The following GSE1 variants were observed in gnomAD, a reference collection of about 807,000 sequenced individuals.
GSE1 encodes genetic suppressor element 1.
Under a neutral mutation model 112.6 loss-of-function variants are expected in GSE1, and 32 were observed. That is an observed-to-expected ratio of 0.28 (90% CI 0.21 to 0.38). The LOEUF (loss-of-function observed/expected upper bound fraction) is 0.38, where lower values mean the gene tolerates loss of function less well. Ranked by LOEUF, GSE1 falls within the 10% of genes least tolerant of loss-of-function variation. The pLI, the probability that GSE1 is intolerant of heterozygous loss-of-function variation, is 1.00. For missense variants in GSE1, 2,348 were observed against 1,699.2 expected, an observed-to-expected ratio of 1.38 and a Z score of -6.71; for synonymous variants, 1,115 against 735.6, an observed-to-expected ratio of 1.52 and a Z score of -8.35.
chr16:85,259,766 C>T (rs1907474780), intron 1 of GSE1, among the ~76,000 whole-genome samples: 1 of 152,256 alleles, frequency 6.6e-6, no homozygotes, highest in Admixed American at 6.5e-5. Context: ...CTGCACTGTA[C>T]TGGGACCCCC....
intron 1 of GSE1, among the ~76,000 whole-genome samples, chr16:85,579,756 A>G (rs922099918): frequency 2.0e-5 from 3 of 152,176 alleles, no homozygotes; most frequent in Admixed American, 1.3e-4. Context: ...CCAGGAAGAG[A>G]GTCATGGAAC....
chr16:85,452,079 C>T (rs959131346), intron 2 of GSE1, among the ~76,000 whole-genome samples: 1 of 152,056 alleles, frequency 6.6e-6, no homozygotes, highest in East Asian at 1.9e-4. Context: ...GCTGAAGATG[C>T]ATCTTTGTCC....
intron 1 of GSE1, among the ~76,000 whole-genome samples, chr16:85,300,785 G>A (rs911812055): frequency 2.6e-5 from 4 of 151,610 alleles, no homozygotes; most frequent in South Asian, 2.1e-4. Flanking sequence ...GGATGGTGAG[G>A]CAGGATTTAC....
intron 2 of GSE1, among the ~76,000 whole-genome samples, chr16:85,478,851 CTTTCTTTCTTTCTT>C (rs1567520227): frequency 2.1e-3 from 22 of 10,722 alleles, no homozygotes; most frequent in Admixed American, 3.0e-3. Flanking sequence ...TTCTTTCTTT[CTTTCTTTCTTTCTT>C]TCTTTCTTTC....
At chr16:85,304,212 C>T (rs1455689463) in intron 1 of GSE1, among the ~76,000 whole-genome samples, 4 of 152,202 alleles carry the variant, frequency 2.6e-5, no homozygotes, top group Non-Finnish European at 5.9e-5. Flanking sequence ...CTGCTTTATG[C>T]CGGGAAACTG....
chr16:85,313,832 C>A (rs2045918147), intron 1 of GSE1, among the ~76,000 whole-genome samples: 1 of 152,234 alleles, frequency 6.6e-6, no homozygotes, highest in South Asian at 2.1e-4. Flanking sequence ...TACATGCCCA[C>A]TGGGGAGTTG....
At chr16:85,513,115 T>C (rs148578474) in intron 2 of GSE1, among the ~76,000 whole-genome samples, 23 of 152,272 alleles carry the variant, frequency 1.5e-4, no homozygotes, top group African/African-American at 5.5e-4. Flanking sequence ...TCAGCCCATC[T>C]GGGGAGCTCC....
intron 2 of GSE1, among the ~76,000 whole-genome samples, chr16:85,639,527 G>T (rs1414423276): frequency 6.6e-6 from 1 of 152,220 alleles, no homozygotes; most frequent in African/African-American, 2.4e-5. Context: ...CGGGTGTGTC[G>T]GGATCCCCCC....
chr16:85,208,404 G>A (rs1352155176), intron 1 of GSE1, among the ~76,000 whole-genome samples: 6 of 152,156 alleles, frequency 3.9e-5, no homozygotes, highest in Non-Finnish European at 7.4e-5. Flanking sequence ...TGCCTGCCTG[G>A]GGCTCGAGGG....
At chr16:85,585,312 A>T (rs1015346508) in intron 1 of GSE1, among the ~76,000 whole-genome samples, 1 of 152,152 alleles carries the variant, frequency 6.6e-6, no homozygotes, top group African/African-American at 2.4e-5. Flanking sequence ...CCCATCCAGG[A>T]TGGCTCCAAG....
At chr16:85,466,708 AGAGAGGGAGAGAGG>A (rs1567510057) in intron 2 of GSE1, among the ~76,000 whole-genome samples, 3 of 138,566 alleles carry the variant, frequency 2.2e-5, no homozygotes, top group East Asian at 2.3e-4. Flanking sequence ...ATATAGAGAG[AGAGAGGGAGAGAGG>A]GAGAGAGAGG....
intron 2 of GSE1, among the ~76,000 whole-genome samples, chr16:85,413,512 G>C (rs2048632326): frequency 6.6e-6 from 1 of 152,136 alleles, no homozygotes; most frequent in African/African-American, 2.4e-5. Flanking sequence ...GGCTGAGGGT[G>C]GGCTGAGGGT....
intron 1 of GSE1, among the ~76,000 whole-genome samples, chr16:85,590,000 CTGTG>C (rs530287947): frequency 3.2e-4 from 49 of 151,612 alleles, no homozygotes; most frequent in Admixed American, 1.6e-3. Flanking sequence ...GAATGTGAGA[CTGTG>C]TGACCTGTGT....
chr16:85,194,625 C>G (rs1302632415), intron 1 of GSE1, among the ~76,000 whole-genome samples: 1 of 152,128 alleles, frequency 6.6e-6, no homozygotes, highest in Non-Finnish European at 1.5e-5. Flanking sequence ...TTTTTTCCCC[C>G]TTGCTCAAAT....
intron 1 of GSE1, chr16:85,171,878 C>T (rs1244050570): frequency 1.2e-6 from 1 of 850,830 alleles, no homozygotes; most frequent in African/African-American, 1.8e-5. Context: ...GAGATGTTTT[C>T]TGTTCCTCAG....
rs1051714968 is a variant in GSE1 at position 85,634,009 on chromosome 16, A to C, written c.103A>C (p.Asn35His). 3 of 1,612,070 alleles carry C rather than the reference A, an allele frequency of 1.9e-6. No homozygotes were observed. Among genetic ancestry groups the C allele is most frequent in the Non-Finnish European group, 2.5e-6 (3 of 1,179,330 alleles). Reference sequence around the variant, plus strand: ...CAACCCCCTCACCCCCTCGCCGCTCAATGGCGCCCTGGTGCCCAGCGGCAG... The same window carrying C: ...CAACCCCCTCACCCCCTCGCCGCTCCATGGCGCCCTGGTGCCCAGCGGCAG... ...TVNPLTPSPL[N>H]GALVPSGSPA... The change falls in exon 2 of 16, where the codon AAT (asparagine) becomes CAT (histidine). Residue 35 changes from asparagine to histidine, a missense_variant. Asn to His is a moderately conservative substitution (Grantham distance 68). Transcript: ENST00000253458.
intron 2 of GSE1, among the ~76,000 whole-genome samples, chr16:85,454,684 T>C (rs1026510604): frequency 1.3e-5 from 2 of 152,210 alleles, no homozygotes; most frequent in Non-Finnish European, 2.9e-5. Context: ...CCAGCCTTCC[T>C]CCCAGCTGCT....
At chr16:85,519,561 T>TCACCAC (rs1567555825) in intron 2 of GSE1, among the ~76,000 whole-genome samples, 22 of 480 alleles carry the variant, frequency 0.046, 4 homozygotes, top group East Asian at 0.2. Flanking sequence ...ACCATCACTA[T>TCACCAC]CATCATCACC....
intron 1 of GSE1, among the ~76,000 whole-genome samples, chr16:85,581,508 G>C (rs1490284578): frequency 6.6e-6 from 1 of 152,194 alleles, no homozygotes; most frequent in Non-Finnish European, 1.5e-5. Context: ...TCTGTTTCTG[G>C]AGAGAGGTTT....
Sources: gnomAD v4.1 joint callset for allele counts (sites outside exome capture counted in the v4.1 genomes callset) on GRCh38, gnomAD v4.1.1 for gene constraint, MANE v1.5 for transcripts, NCBI Gene and HGNC (gene_info 2026-07-23, HGNC 2026-07-21) for gene names.